The following CWF19L2 variants were observed in gnomAD, a reference collection of about 807,000 sequenced individuals.
The protein encoded by CWF19L2 is CWF19-like protein 2.
Under a neutral mutation model 111.7 loss-of-function variants are expected in CWF19L2, and 98 were observed. The observed-to-expected ratio is 0.88, with a 90% CI of 0.75 to 1.04. CWF19L2 has a LOEUF of 1.04. Ranked by LOEUF, CWF19L2 falls within the 50% of genes least tolerant of loss-of-function variation. The pLI is 0.00. For missense variants in CWF19L2, 1,101 were observed against 1,051.4 expected (o/e 1.05, Z -0.65); for synonymous variants, 351 against 342.9 (o/e 1.02, Z -0.26).
chr11:107,439,003 A>G (rs561894272), intron 6 of CWF19L2, 87 bp downstream of exon 6: 14 of 632,330 alleles, frequency 2.2e-5, no homozygotes, highest in Middle Eastern at 8.0e-4. Flanking sequence ...GCACCACTGC[A>G]CTCCCTGGCT....
At chr11:107,449,135 T>A (rs1861743128) in intron 3 of CWF19L2, among the ~76,000 whole-genome samples, 2 of 125,242 alleles carry the variant, frequency 1.6e-5, no homozygotes, top group Non-Finnish European at 1.7e-5. Context: ...CATTTTACAG[T>A]GCAAAAAAAA....
chr11:107,388,673 C>A (rs965602923), intron 12 of CWF19L2, among the ~76,000 whole-genome samples: 3 of 152,130 alleles, frequency 2.0e-5, no homozygotes, highest in Non-Finnish European at 4.4e-5. Flanking sequence ...AGCCACCACG[C>A]CCGGCACTAT....
intron 10 of CWF19L2, among the ~76,000 whole-genome samples, chr11:107,411,647 AAGGGC>A (rs1212186408): frequency 3.9e-5 from 6 of 152,278 alleles, no homozygotes; most frequent in Admixed American, 3.9e-4. Context: ...ATGCTTAAGG[AAGGGC>A]AGGTTATTTA....
At position 107,353,675 on chromosome 11, in the gene CWF19L2, G is replaced by C; in HGVS notation, c.1934C>G (p.Ala645Gly). ...TLDDMFVSKAAERERLGEEEE... is the reference protein window; with the variant it reads ...TLDDMFVSKAGERERLGEEEE... ...CTCTTCACCAAGACGTTCTCTCTCAGCTGCTTTGGAGACAAACATGTCATC... is the reference window on the plus strand; with the variant it reads ...CTCTTCACCAAGACGTTCTCTCTCACCTGCTTTGGAGACAAACATGTCATC... Residue 645 changes from alanine to glycine, a missense_variant, in exon 13 of 18, where the codon GCT becomes GGT. Transcript: ENST00000282251. The C allele has an allele frequency of 6.2e-7, 1 of 1,613,692 alleles. No homozygotes were observed. The highest frequency in any genetic ancestry group is 1.1e-5 in the South Asian group (1 of 91,074).
At position 107,418,283 on chromosome 11, in the gene CWF19L2, G is replaced by T; in HGVS notation, c.1438C>A (p.Pro480Thr). Residue 480 changes from proline (P) to threonine (T), a missense_variant, in exon 9 of 18, where the codon CCA (proline) becomes ACA (threonine). Pro to Thr is a conservative substitution (Grantham distance 38, BLOSUM62 -1). Transcript: ENST00000282251. ...RDTKSTFAGS[P>T]ERESIHILSV... The stretch of plus-strand genomic sequence containing the variant: ...AGGATGTGAATGGACTCACGCTCTG[G>T]ACTGCTATTGGAATAGGAAAGATTA... The T allele has an allele frequency of 2.5e-6, 4 of 1,605,460 alleles. No homozygotes were observed. The highest frequency in any genetic ancestry group is 3.4e-6 in the Non-Finnish European group (4 of 1,172,288).
chr11:107,408,672 G>A (rs1020459121), intron 10 of CWF19L2, among the ~76,000 whole-genome samples: 2 of 151,900 alleles, frequency 1.3e-5, no homozygotes, highest in African/African-American at 4.8e-5. Flanking sequence ...GATACTTTAA[G>A]GAGGGTTAAA....
At chr11:107,352,035 T>C (rs753587340) in intron 13 of CWF19L2, among the ~76,000 whole-genome samples, 1 of 152,216 alleles carries the variant, frequency 6.6e-6, no homozygotes, top group Non-Finnish European at 1.5e-5. Context: ...AGGTCTGATG[T>C]ATAAAGTCTT....
chr11:107,409,389 A>G (rs1229500337), intron 10 of CWF19L2, among the ~76,000 whole-genome samples: 1 of 152,110 alleles, frequency 6.6e-6, no homozygotes, highest in African/African-American at 2.4e-5. Context: ...CCCTCTACGT[A>G]CATGCAAAGG....
In CWF19L2 at chr11:107,442,809, AGGGAGGGAGGGG is replaced by A. The variant is rs1313129042; in HGVS notation, c.450+118_450+129del. 595 of 396,420 alleles carry A rather than the reference AGGGAGGGAGGGG, an allele frequency of 1.5e-3. 14 individuals are homozygous for A. In the Admixed American group the frequency reaches 0.017, roughly 11 times the overall value. 24.6% of individuals were successfully genotyped at this position (396,420 alleles called of 1,614,324 possible). A position where few individuals can be genotyped will look rare whatever the true frequency, so the allele number is the denominator to read the frequency against. On this transcript the variant is annotated intron_variant, in intron 4 of 17. Coordinates refer to ENST00000282251, the MANE Select transcript of CWF19L2 (RefSeq NM_152434.3). Reference sequence around the variant, plus strand: ...AAGGAAGGAAGGGAGGGAGGGAGGGAGGGAGGGAGGGGGAGGGAGGGAGAGAGGGACAGAGAG... The same window carrying A: ...AAGGAAGGAAGGGAGGGAGGGAGGGAGAGGGAGGGAGAGAGGGACAGAGAG...
At chr11:107,340,081 T>C (rs1203906650) in intron 14 of CWF19L2, among the ~76,000 whole-genome samples, 6 of 152,208 alleles carry the variant, frequency 3.9e-5, no homozygotes, top group African/African-American at 7.2e-5. Context: ...TATTTTCTCC[T>C]AGTTTATAAT....
intron 12 of CWF19L2, among the ~76,000 whole-genome samples, chr11:107,375,914 A>G (rs1860592439): frequency 1.6e-5 from 1 of 63,858 alleles, no homozygotes; most frequent in Non-Finnish European, 2.9e-5. Flanking sequence ...AGACGCAATA[A>G]AAAATGATAA....
rs559091079 is a variant in CWF19L2 at position 107,433,118 on chromosome 11, C to A, written c.780+516G>T. ...TCCAGAAATCTTACTACTTTCTAAA[C>A]CTGCTTTCCCCCGGCAATTGAAGAG... On this transcript the variant is annotated intron_variant, in intron 7 of 17. Coordinates refer to ENST00000282251, the MANE Select transcript of CWF19L2 (RefSeq NM_152434.3). 4.5e-4 allele frequency among the ~76,000 whole-genome samples: 68 copies of A among 152,192 alleles called. 1 individual carries two copies. Among genetic ancestry groups the A allele is most frequent in the African/African-American group, 1.6e-3 (67 of 41,538 alleles).
intron 10 of CWF19L2, among the ~76,000 whole-genome samples, chr11:107,402,759 T>C (rs939481491): frequency 2.6e-5 from 4 of 151,418 alleles, no homozygotes; most frequent in Admixed American, 1.3e-4. Context: ...GAAGTCATTA[T>C]TTGAAAAAGA....
In CWF19L2 at chr11:107,372,371, C is replaced by CA. The variant is rs34019651; in HGVS notation, c.1872+17702dup. On this transcript the variant is annotated intron_variant, in intron 12 of 17. Transcript: ENST00000282251. ...CTAGATAAAGGGGGATAAAAGGTGG[C>CA]AAAAAAAAAAAGTGGAAACAGCAAA... Among the ~76,000 whole-genome samples, 200 of 121,312 alleles carry CA rather than the reference C, an allele frequency of 1.6e-3. 29 individuals are homozygous for CA. Among genetic ancestry groups the CA allele is most frequent in the East Asian group, 0.012 (52 of 4,246 alleles). The allele number at this position is 121,312 out of a possible 152,430, so 79.6% of individuals were successfully genotyped here. A position where few individuals can be genotyped will look rare whatever the true frequency, so the allele number is the denominator to read the frequency against.
At chr11:107,406,605 T>C (rs7125898) in intron 10 of CWF19L2, among the ~76,000 whole-genome samples, 30,572 of 151,944 alleles carry the variant, frequency 0.2, 3,203 homozygotes, top group South Asian at 0.25. Context: ...ATAGGCGCAA[T>C]GCAGCCCTTT....
intron 12 of CWF19L2, among the ~76,000 whole-genome samples, chr11:107,374,808 TA>T (rs1275991812): frequency 6.6e-6 from 1 of 151,414 alleles, no homozygotes; most frequent in African/African-American, 2.4e-5. Context: ...ATGCTCCAAT[TA>T]AAAGACACAG....
chr11:107,327,153 C>G (rs947769454), intron 17 of CWF19L2, 100 bp from the exon 18 acceptor site: 2 of 1,167,312 alleles, frequency 1.7e-6, no homozygotes, highest in African/African-American at 3.2e-5. Flanking sequence ...ATAACAAGTT[C>G]TTCTCCATGA....
chr11:107,456,516 T>C (rs1353096346), intron 1 of CWF19L2, among the ~76,000 whole-genome samples: 1 of 151,830 alleles, frequency 6.6e-6, no homozygotes, highest in Non-Finnish European at 1.5e-5. Context: ...ACATTTCACC[T>C]ACCCAAGACT....
intron 10 of CWF19L2, chr11:107,404,488 G>A (rs1209412739): frequency 9.3e-6 from 7 of 754,758 alleles, no homozygotes; most frequent in Non-Finnish European, 1.7e-5. Flanking sequence ...TGTTGTAGGC[G>A]AGATGACTGT....
Sources: allele counts gnomAD v4.1 joint callset (sites outside exome capture counted in the v4.1 genomes callset), GRCh38; gene constraint gnomAD v4.1.1; transcripts MANE v1.5; gene names NCBI Gene and HGNC (gene_info 2026-07-23, HGNC 2026-07-21).